The following ZBTB38 variants were observed in gnomAD, a reference collection of about 807,000 sequenced individuals.
ZBTB38 encodes the protein zinc finger and BTB domain containing 38.
Under a neutral mutation model 76.8 loss-of-function variants are expected in ZBTB38, and 20 were observed. The ratio of observed to expected loss-of-function variants is 0.26; its 90% CI spans 0.18 to 0.38. ZBTB38 has a LOEUF of 0.38. Ranked by LOEUF, ZBTB38 falls within the 10% of genes least tolerant of loss-of-function variation. ZBTB38 has a pLI of 1.00. For missense variants in ZBTB38, 1,082 were observed against 1,482.3 expected, an observed-to-expected ratio of 0.73 and a Z score of 4.43; for synonymous variants, 504 against 544.2, an observed-to-expected ratio of 0.93 and a Z score of 1.03.
intron 2 of ZBTB38, among the ~76,000 whole-genome samples, chr3:141,378,490 A>G (rs1380078421): frequency 1.3e-5 from 2 of 152,250 alleles, no homozygotes; most frequent in East Asian, 3.8e-4. Flanking sequence ...GTAAGACAAC[A>G]CTGGGGGAAG....
intron 1 of ZBTB38, among the ~76,000 whole-genome samples, chr3:141,346,782 T>TTG (rs56345431): frequency 0.038 from 5,430 of 144,220 alleles, 100 homozygotes; most frequent in Non-Finnish European, 0.046. Flanking sequence ...TTGTTTTGTT[T>TTG]TGTGTGTGTG....
Position 141,444,423 on chromosome 3 carries a change from G to A in ZBTB38, c.2035G>A (p.Glu679Lys). The change falls in exon 6 of 6, where the codon GAA becomes AAA. Residue 679 changes from glutamate (E) to lysine (K), a missense_variant. Glu to Lys is a moderately conservative substitution (Grantham distance 56, BLOSUM62 1). This residue lies in a region of ZBTB38 where 471 missense variants were observed against 581.0 expected (regional missense o/e 0.81). Coordinates refer to ENST00000321464, the MANE Select transcript of ZBTB38 (RefSeq NM_001376113.1). This position sits in a 1 kb window ranked among gnomAD's most constrained non-coding sequence, Gnocchi z 5.1. ...YSTEVSVSSTENAVSSDLRAG... is the reference protein window; with the variant it reads ...YSTEVSVSSTKNAVSSDLRAG... The stretch of plus-strand genomic sequence containing the variant: ...AACTGAGGTGTCAGTTTCTTCCACT[G>A]AAAATGCTGTCAGTTCTGACCTCCG... 7 of 1,614,022 alleles carry A rather than the reference G, an allele frequency of 4.3e-6. No individual in the cohort carries two copies. In the South Asian group the frequency reaches 4.4e-5, roughly 10 times the overall value.
intron 4 of ZBTB38, among the ~76,000 whole-genome samples, chr3:141,397,387 T>C (rs1950592962): frequency 1.3e-5 from 2 of 152,322 alleles, no homozygotes; most frequent in African/African-American, 2.4e-5. Flanking sequence ...CGTTTGATCC[T>C]GTATCCTGAC....
chr3:141,448,005 C>T lies in ZBTB38; in HGVS notation c.*2029C>T, dbSNP rs1303249612. On this transcript the variant is annotated 3_prime_UTR_variant, in exon 6 of 6. Coordinates refer to ENST00000321464, the MANE Select transcript of ZBTB38 (RefSeq NM_001376113.1). ...ATTTGGGTTTTATTAAAGAGATAGT[C>T]ACAAAGGGCTTACGAAAATCATTTT... 2 of 152,570 alleles carry T rather than the reference C, an allele frequency of 1.3e-5. No homozygotes were observed. Among genetic ancestry groups the T allele is most frequent in the Admixed American group, 6.5e-5 (1 of 15,282 alleles). The allele number at this position is 152,570 out of a possible 1,614,324, so 9.5% of individuals were successfully genotyped here.
intron 5 of ZBTB38, among the ~76,000 whole-genome samples, chr3:141,419,203 C>A (rs1469088656): frequency 2.0e-5 from 3 of 152,136 alleles, no homozygotes; most frequent in Non-Finnish European, 4.4e-5. Context: ...GTGCCACATA[C>A]TTTTAAACCA....
intron 1 of ZBTB38, among the ~76,000 whole-genome samples, chr3:141,330,022 C>T (rs968444351): frequency 6.6e-6 from 1 of 151,300 alleles, no homozygotes; most frequent in Admixed American, 6.6e-5. Flanking sequence ...AATTTATATA[C>T]ATTTATTTAT....
intron 4 of ZBTB38, among the ~76,000 whole-genome samples, chr3:141,392,486 T>C (rs1949189706): frequency 6.6e-6 from 1 of 152,172 alleles, no homozygotes. Flanking sequence ...CAGGAAGAAA[T>C]AAATGGCATG....
At chr3:141,368,326 C>T (rs1378413417), upstream of ZBTB38, 1 of 152,772 alleles carries the variant, frequency 6.5e-6, no homozygotes, top group Non-Finnish European at 1.5e-5. Context: ...GAATGTTCTC[C>T]TGGCCTGCTG....
intron 5 of ZBTB38, chr3:141,432,090 G>A: frequency 2.0e-6 from 2 of 985,416 alleles, no homozygotes. Context: ...GTAAAGATGT[G>A]TGTGGGATGG....
At position 141,445,900 on chromosome 3, in the gene ZBTB38, A is replaced by G. The variant is rs1357516630; in HGVS notation, c.3512A>G (p.Asn1171Ser). The G allele has an allele frequency of 2.5e-6, 4 of 1,609,398 alleles. No homozygotes were observed. Among genetic ancestry groups the G allele is most frequent in the Non-Finnish European group, 2.5e-6 (3 of 1,179,996 alleles). The stretch of plus-strand genomic sequence containing the variant: ...CACGAAAACTCAAATCCCTTGGAGA[A>G]TCAACATTTCATTGGTTCAGAAGAC... ...VCHENSNPLENQHFIGSEDND... is the reference protein window; with the variant it reads ...VCHENSNPLESQHFIGSEDND... The change falls in exon 6 of 6, where the codon AAT becomes AGT. Residue 1171 changes from asparagine to serine, a missense_variant. Physicochemically the swap from Asn to Ser is conservative, Grantham distance 46. Around this residue, in one of 8 missense-constraint regions of ZBTB38, gnomAD observed 54 missense variants for 57.9 expected, o/e 0.93. Coordinates refer to ENST00000321464, the MANE Select transcript of ZBTB38 (RefSeq NM_001376113.1). The surrounding 1 kb of genome is among the most constrained non-coding windows in gnomAD (Gnocchi z 6.5).
intron 1 of ZBTB38, among the ~76,000 whole-genome samples, chr3:141,340,013 G>A (rs751767627): frequency 6.6e-6 from 1 of 152,228 alleles, no homozygotes. Context: ...CAGACACAGT[G>A]ATTATTCTAA....
rs942801803 is a variant in ZBTB38 at position 141,444,705 on chromosome 3, A to G, written c.2317A>G (p.Ser773Gly). 5 of 1,614,014 alleles carry G rather than the reference A, an allele frequency of 3.1e-6. No homozygotes were observed. The highest frequency in any genetic ancestry group is 2.7e-5 in the African/African-American group (2 of 74,928). ...GGGTAGGTTTGCAAGCAGACCCAAA[A>G]GCATTAAGGAGAAAAAGAAAACTAC... is the stretch of plus-strand genomic sequence containing the variant. ...KVGRFASRPK[S>G]IKEKKKTTSH... Residue 773 changes from serine to glycine, a missense_variant, in exon 6 of 6, where the codon AGC becomes GGC. Physicochemically the swap from Ser to Gly is moderately conservative, Grantham distance 56. Coordinates refer to ENST00000321464, the MANE Select transcript of ZBTB38 (RefSeq NM_001376113.1). This position sits in a 1 kb window ranked among gnomAD's most constrained non-coding sequence, Gnocchi z 5.1.
intron 1 of ZBTB38, among the ~76,000 whole-genome samples, chr3:141,339,522 G>A (rs560555799): frequency 6.6e-6 from 1 of 152,344 alleles, no homozygotes; most frequent in South Asian, 2.1e-4. Context: ...GCAGTAAGCT[G>A]TGGAGAAGGT....
At position 141,369,883 on chromosome 3, in the gene ZBTB38, G is replaced by A. The variant is rs1944288525; in HGVS notation, c.-298G>A. 2 of 152,226 alleles carry A rather than the reference G, an allele frequency of 1.3e-5. No individual in the cohort carries two copies. Among genetic ancestry groups the A allele is most frequent in the Admixed American group, 1.3e-4 (2 of 15,288 alleles). 9.4% of individuals were successfully genotyped at this position (152,226 alleles called of 1,614,324 possible). On this transcript the variant is annotated 5_prime_UTR_variant, in exon 2 of 6. It adds an upstream start codon to the 5' untranslated region. Coordinates refer to ENST00000321464, the MANE Select transcript of ZBTB38 (RefSeq NM_001376113.1). The stretch of plus-strand genomic sequence containing the variant: ...CTTTAATATATTAGGTTGTCTTGAA[G>A]TGAGGCTCTGCTGTAGTCCTGTTCT...
At chr3:141,389,152 TAAACCTG>T (rs1443123835) in intron 4 of ZBTB38, 4 of 152,206 alleles carry the variant, frequency 2.6e-5, no homozygotes, top group Admixed American at 2.6e-4. Context: ...AAGATGGTGC[TAAACCTG>T]AAACCTCCCC....
chr3:141,408,403 C>A (rs1434948178), intron 5 of ZBTB38, among the ~76,000 whole-genome samples: 1 of 152,118 alleles, frequency 6.6e-6, no homozygotes, highest in Non-Finnish European at 1.5e-5. Flanking sequence ...AAAAATTAGC[C>A]AGGCATGGTG....
chr3:141,387,276 C>T (rs909664809), intron 4 of ZBTB38: 6 of 151,870 alleles, frequency 4.0e-5, no homozygotes, highest in East Asian at 3.9e-4. Flanking sequence ...AAAACCAAAA[C>T]CCCCCACAAA....
At chr3:141,412,915 A>G (rs1957134116) in intron 5 of ZBTB38, among the ~76,000 whole-genome samples, 1 of 151,676 alleles carries the variant, frequency 6.6e-6, no homozygotes, top group Admixed American at 6.6e-5. Flanking sequence ...CCTCAGACCT[A>G]CTGGTGGGCT....
At chr3:141,340,974 GAA>G (rs1239524456) in intron 1 of ZBTB38, among the ~76,000 whole-genome samples, 3 of 109,882 alleles carry the variant, frequency 2.7e-5, no homozygotes, top group African/African-American at 1.4e-4. Flanking sequence ...AAGAAAGAAA[GAA>G]AGAAAGAAAG....
Sources: gnomAD v4.1 joint callset for allele counts (sites outside exome capture counted in the v4.1 genomes callset) on GRCh38, gnomAD v4.1.1 for gene constraint, gnomAD v4.1.1 regional missense constraint, Gnocchi (gnomAD v3.1) non-coding constraint, MANE v1.5 for transcripts, NCBI Gene and HGNC (gene_info 2026-07-23, HGNC 2026-07-21) for gene names.